Variants in RAD50 observed in about 807,000 individuals in gnomAD.
The protein encoded by RAD50 is RAD50 double strand break repair protein.
In RAD50, 132 loss-of-function variants were observed where a neutral mutation model predicts 168.8. The observed-to-expected ratio is 0.78, with a 90% confidence interval of 0.68 to 0.90. RAD50 has a LOEUF of 0.90. Ranked by LOEUF, RAD50 falls within the 40% of genes least tolerant of loss-of-function variation. The pLI, the probability that RAD50 is intolerant of heterozygous loss-of-function variation, is 0.00. For synonymous variants in RAD50, 525 were observed against 497.4 expected (o/e 1.06, Z -0.74); for missense variants, 1,347 against 1,534.4 (o/e 0.88, Z 2.04).
At position 132,609,222 on chromosome 5, in the gene RAD50, TTAAAA is replaced by T. The variant is rs1751040378; in HGVS notation, c.2922+15_2922+19del. On this transcript the variant is annotated intron_variant, in intron 18 of 24. Transcript: ENST00000378823. ...CGACTATAAGAAGGTAATTTAAAAC[TTAAAA>T]TTATTTATTTGATTGTATTTTTATT... 1 of 1,607,148 alleles carries T rather than the reference TTAAAA, an allele frequency of 6.2e-7. No homozygotes were observed. The highest frequency in any genetic ancestry group is 1.3e-5 in the African/African-American group (1 of 74,622).
rs1751814522 is a variant in RAD50, at chr5:132,644,760, C to T, written c.*2396C>T. On this transcript the variant is annotated 3_prime_UTR_variant, in exon 25 of 25. Coordinates refer to ENST00000378823, the MANE Select transcript of RAD50 (RefSeq NM_005732.4). Reference sequence around the variant, plus strand: ...ATCCAAGTGATGGTCTAATACAACTCCTTGGCCTCTCAGTCTTTTTTATTT... The same window carrying T: ...ATCCAAGTGATGGTCTAATACAACTTCTTGGCCTCTCAGTCTTTTTTATTT... The T allele has an allele frequency of 1.3e-5, 2 of 156,026 alleles. No individual in the cohort carries two copies. Among genetic ancestry groups the T allele is most frequent in the Non-Finnish European group, 2.8e-5 (2 of 72,528 alleles). 9.7% of individuals were successfully genotyped at this position (156,026 alleles called of 1,614,324 possible). A position where few individuals can be genotyped will look rare whatever the true frequency, so the allele number is the denominator to read the frequency against.
At chr5:132,613,069 G>T (rs908963957) in intron 19 of RAD50, among the ~76,000 whole-genome samples, 1 of 151,694 alleles carries the variant, frequency 6.6e-6, no homozygotes, top group African/African-American at 2.4e-5. Context: ...TGTTCAGCAT[G>T]CCACTCTCTC....
intron 1 of RAD50, among the ~76,000 whole-genome samples, chr5:132,558,626 G>C (rs924016172): frequency 1.3e-5 from 2 of 150,012 alleles, no homozygotes; most frequent in Non-Finnish European, 2.9e-5. Context: ...CGGGAGAATC[G>C]CTTGAACCGG....
intron 2 of RAD50, among the ~76,000 whole-genome samples, chr5:132,571,914 T>A (rs535663887): frequency 6.6e-6 from 1 of 152,196 alleles, no homozygotes; most frequent in Non-Finnish European, 1.5e-5. Context: ...TAATGGTCTG[T>A]ACTTTTCAAA....
rs749466673 is a variant in RAD50, at chr5:132,595,041, C to T, written c.1966C>T (p.Arg656Ter). 5 of 1,610,372 alleles carry T rather than the reference C, an allele frequency of 3.1e-6. No individual in the cohort carries two copies. Among genetic ancestry groups the T allele is most frequent in the African/African-American group, 1.3e-5 (1 of 74,818 alleles). ...GGAAATTGAAAAATCATCAAAACAGCGAGGTAAGTTGTCTACTTTATATTA... is the reference window on the plus strand; with the variant it reads ...GGAAATTGAAAAATCATCAAAACAGTGAGGTAAGTTGTCTACTTTATATTA... ...KEEIEKSSKQ[R>*]AMLAGATAVY... The change falls in exon 12 of 25, where the codon CGA becomes TGA. Residue 656 changes from arginine (R) to a stop codon, truncating the protein, a stop_gained. Transcript: ENST00000378823. LOFTEE classifies it high-confidence loss of function.
Position 132,579,220 on chromosome 5 carries a change from T to A in RAD50, c.366-97T>A, listed in dbSNP as rs1187669950. On this transcript the variant is annotated intron_variant, in intron 3 of 24. Transcript: ENST00000378823. Reference sequence around the variant, plus strand: ...CGGGATAGGTGAAGGGCCTTTTTTTTTATTCTTTTAAAGAAGTACAGTATG... The same window carrying A: ...CGGGATAGGTGAAGGGCCTTTTTTTATATTCTTTTAAAGAAGTACAGTATG... 7 of 1,308,502 alleles carry A rather than the reference T, an allele frequency of 5.3e-6. No homozygotes were observed. The Admixed American group carries it at 1.3e-4, about 24-fold the overall frequency. The allele number at this position is 1,308,502 out of a possible 1,614,324, so 81.1% of individuals were successfully genotyped here. A position where few individuals can be genotyped will look rare whatever the true frequency, so the allele number is the denominator to read the frequency against.
intron 22 of RAD50, among the ~76,000 whole-genome samples, chr5:132,637,517 TTTTTTC>T (rs1372844962): frequency 6.9e-6 from 1 of 144,334 alleles, no homozygotes; most frequent in Non-Finnish European, 1.5e-5. Context: ...AAACTCTTTT[TTTTTTC>T]TTTTTCTTTT....
At chr5:132,636,627 G>A (rs1751585870) in intron 21 of RAD50, among the ~76,000 whole-genome samples, 1 of 152,170 alleles carries the variant, frequency 6.6e-6, no homozygotes, top group South Asian at 2.1e-4. Context: ...CAAGGTGGCA[G>A]TTCGATTCTC....
At chr5:132,569,520 C>G (rs1003697084) in intron 2 of RAD50, among the ~76,000 whole-genome samples, 4 of 151,738 alleles carry the variant, frequency 2.6e-5, no homozygotes, top group Non-Finnish European at 4.4e-5. Flanking sequence ...GAGAAATACA[C>G]AAATCTGCAA....
chr5:132,564,537 G>A (rs1750175200), intron 2 of RAD50, among the ~76,000 whole-genome samples: 1 of 152,150 alleles, frequency 6.6e-6, no homozygotes, highest in African/African-American at 2.4e-5. Flanking sequence ...ATATGTGCAA[G>A]CAAAGAGATC....
At chr5:132,628,574 G>A (rs151178108) in intron 21 of RAD50, among the ~76,000 whole-genome samples, 11 of 152,074 alleles carry the variant, frequency 7.2e-5, no homozygotes, top group Admixed American at 2.6e-4. Flanking sequence ...AGCCGGGCAC[G>A]GTGGCTCACA....
intron 13 of RAD50, among the ~76,000 whole-genome samples, chr5:132,599,508 T>A (rs1466042375): frequency 1.3e-5 from 2 of 152,172 alleles, no homozygotes; most frequent in Non-Finnish European, 2.9e-5. Flanking sequence ...AACACTTTTT[T>A]TAAGTTTAAA....
chr5:132,587,804 C>A, intron 6 of RAD50, 114 bp downstream of exon 6: 1 of 1,542,808 alleles, frequency 6.5e-7, no homozygotes, highest in East Asian at 2.3e-5. Context: ...GATCTTGTTA[C>A]TTCTATGTAT....
At chr5:132,595,094 T>A (rs1750767234) in intron 12 of RAD50, 50 bp downstream of exon 12, 1 of 1,535,560 alleles carries the variant, frequency 6.5e-7, no homozygotes, top group African/African-American at 1.4e-5. Flanking sequence ...CTTTGAATTT[T>A]CATTCACAGG....
intron 23 of RAD50, among the ~76,000 whole-genome samples, chr5:132,638,506 A>G (rs1171409313): frequency 6.6e-6 from 1 of 152,128 alleles, no homozygotes; most frequent in Non-Finnish European, 1.5e-5. Context: ...TTTTCATGGC[A>G]CTCCTTATCA....
intron 2 of RAD50, among the ~76,000 whole-genome samples, chr5:132,567,331 G>A (rs1750226443): frequency 6.6e-6 from 1 of 152,096 alleles, no homozygotes; most frequent in Non-Finnish European, 1.5e-5. Flanking sequence ...GATAATGCAG[G>A]GCTATATTCT....
At chr5:132,620,324 G>C (rs1403043809) in intron 21 of RAD50, among the ~76,000 whole-genome samples, 1 of 152,080 alleles carries the variant, frequency 6.6e-6, no homozygotes, top group Non-Finnish European at 1.5e-5. Flanking sequence ...TCTATTTATT[G>C]TAGACTATCC....
intron 21 of RAD50, among the ~76,000 whole-genome samples, chr5:132,621,124 T>G (rs1178155780): frequency 6.6e-6 from 1 of 152,194 alleles, no homozygotes; most frequent in Non-Finnish European, 1.5e-5. Context: ...TTATTTGACT[T>G]AAAATCATAT....
chr5:132,591,893 A>C lies in RAD50; in HGVS notation c.1652A>C (p.Gln551Pro). Residue 551 changes from glutamine to proline, a missense_variant, in exon 11 of 25, where the codon CAA becomes CCA. Physicochemically the swap from Gln to Pro is moderately conservative, Grantham distance 76 (BLOSUM62 -1). Around this residue, in one of 3 missense-constraint regions of RAD50, gnomAD observed 703 missense variants for 767.7 expected, o/e 0.92. Coordinates refer to ENST00000378823, the MANE Select transcript of RAD50 (RefSeq NM_005732.4). ...TACCTATAGGCTGACAAAGATGAACAAATCAGAAAAATAAAATCTAGGCAC... is the reference window on the plus strand; with the variant it reads ...TACCTATAGGCTGACAAAGATGAACCAATCAGAAAAATAAAATCTAGGCAC... The part of the protein sequence containing the change: ...LTKDKADKDE[Q>P]IRKIKSRHSD... 6.2e-7 allele frequency: 1 copy of C among 1,606,532 alleles called. No homozygotes were observed. The highest frequency in any genetic ancestry group is 8.5e-7 in the Non-Finnish European group (1 of 1,174,074).
Sources: gnomAD v4.1 joint callset for allele counts (sites outside exome capture counted in the v4.1 genomes callset) on GRCh38, gnomAD v4.1.1 for gene constraint, gnomAD v4.1.1 regional missense constraint, MANE v1.5 for transcripts, NCBI Gene and HGNC (gene_info 2026-07-23, HGNC 2026-07-21) for gene names.